The following CACNA1B variants were observed in gnomAD, a reference collection of about 807,000 sequenced individuals.
CACNA1B encodes the protein voltage-dependent N-type calcium channel subunit alpha-1B.
Under a neutral mutation model 247.2 loss-of-function variants are expected in CACNA1B, and 70 were observed. The ratio of observed to expected loss-of-function variants is 0.28; its 90% CI spans 0.23 to 0.35. CACNA1B has a LOEUF of 0.35. CACNA1B is among the 10% of genes least tolerant of loss of function. The pLI is 1.00. For synonymous variants in CACNA1B, 1,231 were observed against 1,294.4 expected (o/e 0.95, Z 1.05); for missense variants, 2,367 against 3,197.4 (o/e 0.74, Z 6.26).
At chr9:138,112,646 C>G in intron 40 of CACNA1B, 141 bp downstream of exon 40, 1 of 638,838 alleles carries the variant, frequency 1.6e-6, no homozygotes, top group Non-Finnish European at 2.9e-6. Flanking sequence ...TGAATCTGCC[C>G]TCAGCTCCAA....
rs1957891260 is a variant in CACNA1B at position 137,952,630 on chromosome 9, C to G, written c.1070+253C>G. Among the ~76,000 whole-genome samples, 1 of 152,082 alleles carries G rather than the reference C, an allele frequency of 6.6e-6. No individual in the cohort carries two copies. The highest frequency in any genetic ancestry group is 1.5e-5 in the Non-Finnish European group (1 of 68,010). ...GGTCTCTGCCATGGGAGAGTAGCTG[C>G]CACTACTCATCTGGGTAGACAGGAG... is the stretch of plus-strand genomic sequence containing the variant. On this transcript the variant is annotated intron_variant, in intron 7 of 46. Transcript: ENST00000371372. This position sits in a 1 kb window ranked among gnomAD's most constrained non-coding sequence, Gnocchi z 4.8.
intron 20 of CACNA1B, among the ~76,000 whole-genome samples, chr9:138,031,474 G>A (rs1958987327): frequency 6.6e-6 from 1 of 152,170 alleles, no homozygotes; most frequent in Non-Finnish European, 1.5e-5. Flanking sequence ...AAGGGAACAT[G>A]CATTCTGTGT....
Position 137,974,877 on chromosome 9 carries a change from C to G in CACNA1B, c.1544-1030C>G, listed in dbSNP as rs562554228. On this transcript the variant is annotated intron_variant, in intron 11 of 46. Transcript: ENST00000371372. The surrounding 1 kb of genome is among the most constrained non-coding windows in gnomAD (Gnocchi z 4.5). ...TGTTGCCTCCCTAGCCCCTGCTGACCTGGCAGAGCCATGGTGCCTTTGGCC... is the reference window on the plus strand; with the variant it reads ...TGTTGCCTCCCTAGCCCCTGCTGACGTGGCAGAGCCATGGTGCCTTTGGCC... 7.9e-5 allele frequency among the ~76,000 whole-genome samples: 12 copies of G among 152,352 alleles called. No homozygotes were observed. In the South Asian group the frequency reaches 2.5e-3, roughly 32 times the overall value.
At chr9:138,022,342 C>T (rs527350146) in intron 18 of CACNA1B, among the ~76,000 whole-genome samples, 8 of 151,984 alleles carry the variant, frequency 5.3e-5, no homozygotes, top group East Asian at 2.0e-4. Flanking sequence ...TGCGGGGCTG[C>T]GGCTGACCAC....
At chr9:138,031,732 G>A (rs1470226485) in intron 20 of CACNA1B, among the ~76,000 whole-genome samples, 3 of 152,082 alleles carry the variant, frequency 2.0e-5, no homozygotes, top group Admixed American at 2.0e-4. Context: ...TGGTGGACTG[G>A]CCCTTTAATT....
At chr9:137,943,813 G>A (rs543587313) in intron 6 of CACNA1B, among the ~76,000 whole-genome samples, 1 of 152,332 alleles carries the variant, frequency 6.6e-6, no homozygotes, top group African/African-American at 2.4e-5. Context: ...GGCTCTAGAT[G>A]TCCCAGTAGG....
At position 138,120,256 on chromosome 9, in the gene CACNA1B, G is replaced by A. The variant is rs201543308; in HGVS notation, c.6122G>A (p.Arg2041His). 30 of 1,601,258 alleles carry A rather than the reference G, an allele frequency of 1.9e-5. No homozygotes were observed. In the South Asian group the frequency reaches 2.1e-4, roughly 11 times the overall value. ...CATCTTTGCAGCACCACCCCGGACC[G>A]CCCACCCCCTAGCCAGGCGTCGTCG... ...GTHLCSTTPD[R>H]PPPSQASSHH... is the part of the protein sequence containing the mutation. The change falls in exon 45 of 47, where the codon CGC becomes CAC. Residue 2041 changes from arginine to histidine, a missense_variant. Arg to His is a conservative substitution (Grantham distance 29, BLOSUM62 0). Coordinates refer to ENST00000371372, the MANE Select transcript of CACNA1B (RefSeq NM_000718.4).
rs1957924436 is a variant in CACNA1B, at chr9:137,954,788, G to A, written c.1071-910G>A. ...AGGGTCAGTCACGGTCAGAGCCGGGGATTGTTGCACCGGGGCTGTGTGTGC... is the reference window on the plus strand; with the variant it reads ...AGGGTCAGTCACGGTCAGAGCCGGGAATTGTTGCACCGGGGCTGTGTGTGC... On this transcript the variant is annotated intron_variant, in intron 7 of 46. Coordinates refer to ENST00000371372, the MANE Select transcript of CACNA1B (RefSeq NM_000718.4). The surrounding 1 kb of genome is among the most constrained non-coding windows in gnomAD (Gnocchi z 4.1). 6.6e-6 allele frequency among the ~76,000 whole-genome samples: 1 copy of A among 152,024 alleles called. No homozygotes were observed. Among genetic ancestry groups the A allele is most frequent in the Non-Finnish European group, 1.5e-5 (1 of 67,992 alleles).
Position 137,990,574 on chromosome 9 carries a change from C to T in CACNA1B, c.1974+3720C>T, listed in dbSNP as rs1414540574. Among the ~76,000 whole-genome samples, 1 of 152,158 alleles carries T rather than the reference C, an allele frequency of 6.6e-6. No homozygotes were observed. Among genetic ancestry groups the T allele is most frequent in the Admixed American group, 6.5e-5 (1 of 15,278 alleles). On this transcript the variant is annotated intron_variant, in intron 15 of 46. Coordinates refer to ENST00000371372, the MANE Select transcript of CACNA1B (RefSeq NM_000718.4). This position sits in a 1 kb window ranked among gnomAD's most constrained non-coding sequence, Gnocchi z 4.5. ...ACCAGCACACTTAACAAAAATACAGCCGAGGACCCTCACAGAGTCCACTTC... is the reference window on the plus strand; with the variant it reads ...ACCAGCACACTTAACAAAAATACAGTCGAGGACCCTCACAGAGTCCACTTC...
chr9:138,058,659 T>A lies in CACNA1B; in HGVS notation c.4399T>A (p.Phe1467Ile). 6.2e-7 allele frequency: 1 copy of A among 1,613,474 alleles called. No individual in the cohort carries two copies. The highest frequency in any genetic ancestry group is 1.3e-5 in the African/African-American group (1 of 75,010). ...RQSFQYKTWTFVVSPPFEYFI... is the reference protein window; with the variant it reads ...RQSFQYKTWTIVVSPPFEYFI... ...GTCGTTCCAGTATAAGACGTGGACA[T>A]TTGTGGTCTCCCCGCCCTTTGAATA... The change falls in exon 29 of 47, where the codon TTT (phenylalanine) becomes ATT (isoleucine). Residue 1467 changes from phenylalanine (F) to isoleucine (I), a missense_variant. By Grantham distance (21) the Phe-to-Ile change is conservative. Transcript: ENST00000371372. This position sits in a 1 kb window ranked among gnomAD's most constrained non-coding sequence, Gnocchi z 4.7.
At chr9:138,069,891 C>T in intron 32 of CACNA1B, 128 bp downstream of exon 32, 1 of 807,534 alleles carries the variant, frequency 1.2e-6, no homozygotes, top group Non-Finnish European at 2.1e-6. Flanking sequence ...CGGCTGCATC[C>T]ACTCACCTCT....
intron 31 of CACNA1B, among the ~76,000 whole-genome samples, chr9:138,063,874 A>G (rs780504284): frequency 2.6e-5 from 4 of 152,154 alleles, no homozygotes; most frequent in Non-Finnish European, 4.4e-5. Context: ...TCCATTCCAT[A>G]CTGGATGCAG....
At chr9:138,068,809 G>C (rs949481479) in intron 31 of CACNA1B, among the ~76,000 whole-genome samples, 1 of 152,202 alleles carries the variant, frequency 6.6e-6, no homozygotes, top group African/African-American at 2.4e-5. Flanking sequence ...CCAGTGCCCA[G>C]CCGGGCTCTA....
chr9:138,117,964 C>T lies in CACNA1B; in HGVS notation c.5796C>T (p.Gly1932=), dbSNP rs749580706. The T allele has an allele frequency of 6.3e-7, 1 of 1,587,620 alleles. No homozygotes were observed. ...NGGAIQNQES[G]IKESVSWGTQ... is the part of the protein sequence containing the mutation. ...GCCACAGACAAAACCAAGAGAGTGG[C>T]ATCAAAGAGTCTGTCTCCTGGGGCA... The change falls in exon 43 of 47, where the codon GGC becomes GGT. Residue 1932 remains glycine, a synonymous_variant. Transcript: ENST00000371372.
intron 10 of CACNA1B, among the ~76,000 whole-genome samples, chr9:137,958,788 G>A (rs1394724758): frequency 6.6e-6 from 1 of 152,160 alleles, no homozygotes; most frequent in East Asian, 1.9e-4. Context: ...CCAGTGCTAT[G>A]TGACGGCTCC....
chr9:138,016,405 A>G (rs1020536661), intron 18 of CACNA1B, among the ~76,000 whole-genome samples: 1 of 152,228 alleles, frequency 6.6e-6, no homozygotes, highest in African/African-American at 2.4e-5. Flanking sequence ...TTTGAAAGTC[A>G]CTTGGAAATG....
chr9:138,107,546 C>G (rs554807628), intron 39 of CACNA1B, among the ~76,000 whole-genome samples: 1 of 152,008 alleles, frequency 6.6e-6, no homozygotes, highest in African/African-American at 2.4e-5. Context: ...TAAAATATAT[C>G]CAAAATGTGG....
chr9:137,986,745 G>A lies in CACNA1B; in HGVS notation c.1902-37G>A, dbSNP rs1011952671. ...CTGCAGGCGCTGCCTCGCTGCTGAC[G>A]GGACTGCCACTTCCCAAGCCTTCCT... On this transcript the variant is annotated intron_variant, in intron 14 of 46. Transcript: ENST00000371372. This position sits in a 1 kb window ranked among gnomAD's most constrained non-coding sequence, Gnocchi z 6.0. 53 of 1,558,288 alleles carry A rather than the reference G, an allele frequency of 3.4e-5. No homozygotes were observed. Among genetic ancestry groups the A allele is most frequent in the African/African-American group, 2.6e-4 (19 of 73,720 alleles).
chr9:138,088,959 C>CAAAAAAAAA (rs56112600), intron 36 of CACNA1B, among the ~76,000 whole-genome samples: 24 of 61,422 alleles, frequency 3.9e-4, no homozygotes, highest in Non-Finnish European at 5.1e-4. Flanking sequence ...AACTCCGTCT[C>CAAAAAAAAA]AAAAAAAAAA....
Sources: allele counts gnomAD v4.1 joint callset (sites outside exome capture counted in the v4.1 genomes callset), GRCh38; gene constraint gnomAD v4.1.1; non-coding constraint Gnocchi (gnomAD v3.1); transcripts MANE v1.5; gene names NCBI Gene and HGNC (gene_info 2026-07-23, HGNC 2026-07-21).